SLC26A5: variants seen among roughly 807,000 people sequenced by gnomAD.
The protein encoded by SLC26A5 is prestin.
In SLC26A5, 51 loss-of-function variants were observed where a neutral mutation model predicts 81.0. The observed-to-expected ratio is 0.63, with a 90% confidence interval of 0.50 to 0.80. The LOEUF is 0.80. Ranked by LOEUF, SLC26A5 falls within the 30% of genes least tolerant of loss-of-function variation. The pLI, the probability that SLC26A5 is intolerant of heterozygous loss-of-function variation, is 0.00. For synonymous variants in SLC26A5, 325 were observed against 332.8 expected (o/e 0.98, Z 0.25); for missense variants, 771 against 905.8 (o/e 0.85, Z 1.91).
At chr7:103,398,637 C>G (rs576354396) in intron 8 of SLC26A5, among the ~76,000 whole-genome samples, 2 of 152,136 alleles carry the variant, frequency 1.3e-5, no homozygotes, top group Non-Finnish European at 2.9e-5. Context: ...AAAGTACAAT[C>G]CCTAATGAGT....
At chr7:103,434,120 C>T (rs1586392944) in intron 2 of SLC26A5, among the ~76,000 whole-genome samples, 1 of 152,188 alleles carries the variant, frequency 6.6e-6, no homozygotes, top group Non-Finnish European at 1.5e-5. Flanking sequence ...TTTATACCCT[C>T]ATTTTGCTGG....
chr7:103,394,221 T>C lies in SLC26A5; in HGVS notation c.972-1155A>G, dbSNP rs1467074191. 2.0e-5 allele frequency among the ~76,000 whole-genome samples: 3 copies of C among 152,190 alleles called. No homozygotes were observed. In the South Asian group the frequency reaches 6.2e-4, roughly 31 times the overall value. ...GAAAGGAACCTAATGCCTGTTAAGG[T>C]GAGTTTACCTGCTACATGCTTTACA... On this transcript the variant is annotated intron_variant, in intron 9 of 19. Transcript: ENST00000306312.
chr7:103,390,384 C>A lies in SLC26A5; in HGVS notation c.1311+45G>T, dbSNP rs756096891. On this transcript the variant is annotated intron_variant, in intron 12 of 19. Transcript: ENST00000306312. ...ACATAAACAAATAAAATAGCAAAAT[C>A]TCTACACATGAAAAAAACTTCACCC... 3 of 1,513,908 alleles carry A rather than the reference C, an allele frequency of 2.0e-6. No individual in the cohort carries two copies. In the South Asian group the frequency reaches 3.4e-5, roughly 17 times the overall value. 93.8% of individuals were successfully genotyped at this position (1,513,908 alleles called of 1,614,324 possible).
At chr7:103,405,473 GT>G (rs1823969116) in intron 8 of SLC26A5, among the ~76,000 whole-genome samples, 1 of 152,112 alleles carries the variant, frequency 6.6e-6, no homozygotes, top group African/African-American at 2.4e-5. Context: ...GTTTGCTGAC[GT>G]CCATTCCAGA....
intron 19 of SLC26A5, chr7:103,364,087 A>T: frequency 2.0e-6 from 3 of 1,519,312 alleles, no homozygotes; most frequent in Non-Finnish European, 2.7e-6. Flanking sequence ...ATTTAGAAGT[A>T]GTCTGATTTT....
At chr7:103,411,786 A>C (rs1405561907) in intron 5 of SLC26A5, among the ~76,000 whole-genome samples, 200 bp from the exon 6 acceptor site, 1 of 152,222 alleles carries the variant, frequency 6.6e-6, no homozygotes, top group African/African-American at 2.4e-5. Context: ...TTTTCCAAAA[A>C]TAGACATAGC....
At chr7:103,441,849 C>T (rs1369130983) in intron 2 of SLC26A5, among the ~76,000 whole-genome samples, 1 of 152,118 alleles carries the variant, frequency 6.6e-6, no homozygotes, top group East Asian at 1.9e-4. Flanking sequence ...CACAGCAGCT[C>T]CCCCCGAATA....
chr7:103,429,531 A>G (rs1241264242), intron 2 of SLC26A5, among the ~76,000 whole-genome samples: 1 of 152,232 alleles, frequency 6.6e-6, no homozygotes, highest in East Asian at 1.9e-4. Context: ...ATTTTCACTT[A>G]TGGCTTTATC....
intron 9 of SLC26A5, among the ~76,000 whole-genome samples, chr7:103,396,421 C>G (rs932671529): frequency 3.3e-5 from 5 of 152,182 alleles, no homozygotes; most frequent in African/African-American, 1.2e-4. Flanking sequence ...GTAAAGGCAA[C>G]CCACGTGCTC....
chr7:103,442,971 G>C (rs1826988652), intron 2 of SLC26A5, 112 bp downstream of exon 2: 1 of 152,238 alleles, frequency 6.6e-6, no homozygotes, highest in South Asian at 2.1e-4. Flanking sequence ...CCAAATAGTG[G>C]TGTGTGATTT....
At chr7:103,354,049 T>G in intron 19 of SLC26A5, 1 of 1,017,148 alleles carries the variant, frequency 9.8e-7, no homozygotes, top group South Asian at 1.7e-5. Context: ...TTAGAAGAAG[T>G]TAAGAAACCA....
chr7:103,432,022 T>G (rs1448798687), intron 2 of SLC26A5, among the ~76,000 whole-genome samples: 5 of 152,154 alleles, frequency 3.3e-5, no homozygotes, highest in Admixed American at 2.6e-4. Context: ...TTCAATAGAT[T>G]GTTGTGTCTC....
intron 14 of SLC26A5, among the ~76,000 whole-genome samples, chr7:103,384,399 T>C (rs1405988935): frequency 2.6e-5 from 4 of 151,662 alleles, no homozygotes. Context: ...GATCACGAGG[T>C]GAGGAGTTCA....
At chr7:103,368,912 A>G (rs1480569279) in intron 19 of SLC26A5, 3 of 71,458 alleles carry the variant, frequency 4.2e-5, no homozygotes, top group African/African-American at 9.6e-5. Context: ...AATAAAGGTT[A>G]TATTAGAATC....
chr7:103,390,541 G>C (rs1280947398), intron 11 of SLC26A5, 35 bp from the exon 12 acceptor site: 4 of 1,567,054 alleles, frequency 2.6e-6, no homozygotes, highest in Non-Finnish European at 3.5e-6. Context: ...GGGGCTTTTA[G>C]GAGACTTGAA....
intron 2 of SLC26A5, among the ~76,000 whole-genome samples, chr7:103,430,950 T>C (rs558411165): frequency 2.0e-5 from 3 of 152,190 alleles, no homozygotes; most frequent in Non-Finnish European, 2.9e-5. Context: ...ACTAAATAAG[T>C]TGAATCCCTT....
rs1433565964 is a variant in SLC26A5 at position 103,421,424 on chromosome 7, T to C, written c.91A>G (p.Arg31Gly). The change falls in exon 3 of 20, where the codon AGA (arginine) becomes GGA (glycine). Residue 31 changes from arginine (R) to glycine (G), a missense_variant. Arg to Gly is a moderately radical substitution (Grantham distance 125). Coordinates refer to ENST00000306312, the MANE Select transcript of SLC26A5 (RefSeq NM_198999.3). ...GGAACCTTGTCCTTTGTGTGTAGTC[T>C]TTCCTGGAGGACCGGATGACTAAAG... ...PIFSHPVLQERLHTKDKVPDS... is the reference protein window; with the variant it reads ...PIFSHPVLQEGLHTKDKVPDS... 5 of 1,614,116 alleles carry C rather than the reference T, an allele frequency of 3.1e-6. No individual in the cohort carries two copies. The highest frequency in any genetic ancestry group is 2.5e-6 in the Non-Finnish European group (3 of 1,179,984).
intron 16 of SLC26A5, among the ~76,000 whole-genome samples, 179 bp from the exon 17 acceptor site, chr7:103,378,732 T>C (rs1439113027): frequency 6.6e-6 from 1 of 152,230 alleles, no homozygotes; most frequent in Non-Finnish European, 1.5e-5. Flanking sequence ...TAGTAGCCTT[T>C]CTTATTCTCA....
intron 11 of SLC26A5, among the ~76,000 whole-genome samples, 177 bp downstream of exon 11, chr7:103,391,445 T>C (rs1822644905): frequency 6.6e-6 from 1 of 152,240 alleles, no homozygotes; most frequent in African/African-American, 2.4e-5. Flanking sequence ...TTCCTATAGA[T>C]TCAGTTCCTT....
Sources: allele counts gnomAD v4.1 joint callset (sites outside exome capture counted in the v4.1 genomes callset), GRCh38; gene constraint gnomAD v4.1.1; transcripts MANE v1.5; gene names NCBI Gene and HGNC (gene_info 2026-07-23, HGNC 2026-07-21).